TECRL: variants seen among roughly 807,000 people sequenced by gnomAD.
TECRL encodes the protein trans-2,3-enoyl-CoA reductase-like.
A neutral mutation model predicts 52.8 loss-of-function variants in TECRL; 63 were observed. That is an observed-to-expected ratio of 1.19 (90% confidence interval 0.97 to 1.47). TECRL has a LOEUF of 1.47. TECRL is among the 40% of genes most tolerant of loss of function. TECRL has a pLI of 0.00. For synonymous variants in TECRL, 164 were observed against 141.9 expected (o/e 1.16, Z -1.10); for missense variants, 482 against 429.6 (o/e 1.12, Z -1.08).
intron 2 of TECRL, among the ~76,000 whole-genome samples, chr4:64,366,550 C>T (rs1189659633): frequency 6.7e-6 from 1 of 150,254 alleles, no homozygotes; most frequent in African/African-American, 2.4e-5. Flanking sequence ...CTAGCAGGAA[C>T]TTAAACAATT....
intron 2 of TECRL, among the ~76,000 whole-genome samples, chr4:64,332,546 G>C (rs1204210243): frequency 1.3e-5 from 2 of 152,022 alleles, no homozygotes; most frequent in African/African-American, 4.8e-5. Flanking sequence ...GAAAAACCAG[G>C]GGGAAATTAA....
chr4:64,305,532 C>G (rs927529864), intron 6 of TECRL, among the ~76,000 whole-genome samples: 4 of 152,090 alleles, frequency 2.6e-5, no homozygotes, highest in African/African-American at 9.7e-5. Flanking sequence ...TGCACTGCCC[C>G]TGTTATGGAG....
intron 1 of TECRL, among the ~76,000 whole-genome samples, chr4:64,399,005 T>C (rs750615947): frequency 2.6e-5 from 4 of 152,160 alleles, no homozygotes; most frequent in Admixed American, 6.6e-5. Flanking sequence ...AACTTGAGAA[T>C]GATGCAAGCG....
intron 1 of TECRL, among the ~76,000 whole-genome samples, chr4:64,393,790 T>C (rs952153912): frequency 2.6e-5 from 4 of 151,948 alleles, no homozygotes; most frequent in African/African-American, 9.6e-5. Flanking sequence ...TTATCTGGAG[T>C]GTTCAAGAAG....
intron 4 of TECRL, among the ~76,000 whole-genome samples, chr4:64,317,981 C>G (rs1717623817): frequency 6.6e-6 from 1 of 152,112 alleles, no homozygotes; most frequent in Admixed American, 6.6e-5. Context: ...CCTCATAAAA[C>G]TGTCTCCACA....
chr4:64,292,112 A>G (rs1032676178), intron 8 of TECRL, among the ~76,000 whole-genome samples: 1 of 152,002 alleles, frequency 6.6e-6, no homozygotes, highest in African/African-American at 2.4e-5. Flanking sequence ...GCTGAGTAAG[A>G]TCAAGAAGCT....
At chr4:64,378,449 C>A (rs1200784233) in intron 1 of TECRL, among the ~76,000 whole-genome samples, 6 of 151,930 alleles carry the variant, frequency 3.9e-5, no homozygotes, top group African/African-American at 1.5e-4. Context: ...TGTCTGTAGT[C>A]CCAGCTATGC....
At chr4:64,382,805 C>T (rs1722911028) in intron 1 of TECRL, among the ~76,000 whole-genome samples, 1 of 151,790 alleles carries the variant, frequency 6.6e-6, no homozygotes, top group African/African-American at 2.4e-5. Flanking sequence ...TTCTTACTAT[C>T]ATTGCAGTTT....
rs138862370 is a variant in TECRL, at chr4:64,321,730, C to T, written c.435+959G>A. Among the ~76,000 whole-genome samples, 27 of 152,224 alleles carry T rather than the reference C, an allele frequency of 1.8e-4. No homozygotes were observed. In the East Asian group the frequency reaches 2.9e-3, roughly 16 times the overall value. On this transcript the variant is annotated intron_variant, in intron 4 of 11. Coordinates refer to ENST00000381210, the MANE Select transcript of TECRL (RefSeq NM_001010874.5). ...CCCTCTATGTCTTTTCAATGTCGTC[C>T]TCATTCATCTAATGCCATTTTCAAA... is the stretch of plus-strand genomic sequence containing the variant.
chr4:64,407,028 A>G (rs1560567079), intron 1 of TECRL, among the ~76,000 whole-genome samples: 1 of 152,018 alleles, frequency 6.6e-6, no homozygotes, highest in Non-Finnish European at 1.5e-5. Context: ...AAAAAAAATT[A>G]ATCTAGAAGA....
chr4:64,374,006 G>GTATAATA (rs1553919008), intron 2 of TECRL, among the ~76,000 whole-genome samples: 1 of 135,190 alleles, frequency 7.4e-6, no homozygotes, highest in Non-Finnish European at 1.5e-5. Context: ...CTATACTATA[G>GTATAATA]TATAGTATAT....
chr4:64,351,582 A>G (rs1720391438), intron 2 of TECRL, among the ~76,000 whole-genome samples: 1 of 152,160 alleles, frequency 6.6e-6, no homozygotes, highest in Non-Finnish European at 1.5e-5. Flanking sequence ...CAAAGGGACA[A>G]CTTTAAATTT....
At chr4:64,352,387 G>A (rs1012233) in intron 2 of TECRL, among the ~76,000 whole-genome samples, 31,683 of 151,996 alleles carry the variant, frequency 0.21, 3,447 homozygotes, top group East Asian at 0.3. Context: ...TAGATAGATA[G>A]ATAAGTGGAT....
downstream of TECRL, among the ~76,000 whole-genome samples, chr4:64,277,297 C>A (rs1333830928): frequency 6.6e-6 from 1 of 151,732 alleles, no homozygotes; most frequent in Non-Finnish European, 1.5e-5. Context: ...TTGTCAGGAT[C>A]GAGTTACAAA....
At chr4:64,276,868 C>A (rs1397387183), downstream of TECRL, 1 of 408,006 alleles carries the variant, frequency 2.5e-6, no homozygotes, top group African/African-American at 2.0e-5. Context: ...TACCCATATA[C>A]ATATGCATAT....
chr4:64,382,319 T>C (rs1444355903), intron 1 of TECRL, among the ~76,000 whole-genome samples: 3 of 145,020 alleles, frequency 2.1e-5, no homozygotes, highest in Admixed American at 1.4e-4. Context: ...ATATATTATA[T>C]CTATATTATA....
At chr4:64,323,775 CAGTT>C (rs1174821738) in intron 3 of TECRL, among the ~76,000 whole-genome samples, 1 of 152,098 alleles carries the variant, frequency 6.6e-6, no homozygotes, top group Non-Finnish European at 1.5e-5. Context: ...GAGGTAAAGA[CAGTT>C]AGATTTTTGG....
intron 5 of TECRL, among the ~76,000 whole-genome samples, chr4:64,313,628 C>A (rs1311652642): frequency 1.3e-5 from 2 of 150,312 alleles, no homozygotes; most frequent in African/African-American, 4.9e-5. Flanking sequence ...ACTACAGGCA[C>A]CCGCCACCAC....
At position 64,378,050 on chromosome 4, in the gene TECRL, A is replaced by C. The variant is rs146222267; in HGVS notation, c.235-2827T>G. On this transcript the variant is annotated intron_variant, in intron 1 of 11. Transcript: ENST00000381210. ...AGAACTTGTCTAAAAGTAAAAGTAC[A>C]GAAATAAAACCAAAGTAAAAGATGA... is the stretch of plus-strand genomic sequence containing the variant. Among the ~76,000 whole-genome samples the C allele has an allele frequency of 3.3e-5, 5 of 152,268 alleles. No individual in the cohort carries two copies. The East Asian group carries it at 9.7e-4, about 29-fold the overall frequency.
Sources: allele counts gnomAD v4.1 joint callset (sites outside exome capture counted in the v4.1 genomes callset), GRCh38; gene constraint gnomAD v4.1.1; transcripts MANE v1.5; gene names NCBI Gene and HGNC (gene_info 2026-07-23, HGNC 2026-07-21).